The following CALN1 variants were observed in gnomAD, a reference collection of about 807,000 sequenced individuals.
CALN1 encodes calcium-binding protein 8.
Under a neutral mutation model 30.6 loss-of-function variants are expected in CALN1, and 17 were observed. That is an observed-to-expected ratio of 0.56 (90% CI 0.38 to 0.83). The LOEUF (loss-of-function observed/expected upper bound fraction) is 0.83. CALN1 is among the 40% of genes least tolerant of loss of function. The probability of loss-of-function intolerance (pLI) is 0.00; values close to 1 mark genes in which losing one functional copy is unlikely to be tolerated. For missense variants in CALN1, 291 were observed against 354.9 expected, an observed-to-expected ratio of 0.82 and a Z score of 1.45; for synonymous variants, 156 against 131.4, an observed-to-expected ratio of 1.19 and a Z score of -1.28.
At chr7:72,148,761 C>G (rs1786977906) in intron 3 of CALN1, among the ~76,000 whole-genome samples, 1 of 151,900 alleles carries the variant, frequency 6.6e-6, no homozygotes, top group Non-Finnish European at 1.5e-5. Context: ...AAAAATTAGC[C>G]AGCAATGGTG....
At chr7:71,966,870 GT>G (rs1431977894) in intron 5 of CALN1, among the ~76,000 whole-genome samples, 3 of 152,128 alleles carry the variant, frequency 2.0e-5, no homozygotes, top group African/African-American at 7.2e-5. Context: ...AACTTTGTAA[GT>G]TGTAAATCCC....
intron 3 of CALN1, among the ~76,000 whole-genome samples, chr7:72,143,762 C>G (rs1162381533): frequency 6.6e-6 from 1 of 152,210 alleles, no homozygotes; most frequent in Non-Finnish European, 1.5e-5. Flanking sequence ...GCCCATCAGA[C>G]TAACAGCTGA....
chr7:72,232,651 G>A (rs190690525), intron 3 of CALN1, among the ~76,000 whole-genome samples: 177 of 152,232 alleles, frequency 1.2e-3, no homozygotes, highest in African/African-American at 3.9e-3. Flanking sequence ...GTACAGACAG[G>A]GTTTCGCCAT....
At chr7:71,801,545 A>T (rs866360435) in intron 6 of CALN1, among the ~76,000 whole-genome samples, 2 of 152,066 alleles carry the variant, frequency 1.3e-5, no homozygotes, top group Middle Eastern at 3.4e-3. Flanking sequence ...GGGAAAAATG[A>T]CTTCACTTTG....
intron 5 of CALN1, among the ~76,000 whole-genome samples, chr7:71,915,412 C>T (rs1794637427): frequency 6.6e-6 from 1 of 152,172 alleles, no homozygotes; most frequent in Admixed American, 6.5e-5. Flanking sequence ...AAGACATGGC[C>T]TGCTGATGTC....
At chr7:72,283,288 G>A (rs897387599) in intron 2 of CALN1, among the ~76,000 whole-genome samples, 7 of 152,154 alleles carry the variant, frequency 4.6e-5, no homozygotes, top group Non-Finnish European at 7.3e-5. Flanking sequence ...ACTTTGGGAG[G>A]CCAAGGAGGG....
chr7:72,404,368 C>G (rs1386988267), intron 1 of CALN1, among the ~76,000 whole-genome samples: 1 of 152,108 alleles, frequency 6.6e-6, no homozygotes, highest in African/African-American at 2.4e-5. Flanking sequence ...ATTGAACACA[C>G]AGTTAATCAA....
chr7:72,471,777 G>A, the CALN1 span, among the ~76,000 whole-genome samples: 1 of 152,122 alleles, frequency 6.6e-6, no homozygotes, highest in East Asian at 1.9e-4. Flanking sequence ...TGTCCACCAC[G>A]TGGGGCGTCA....
chr7:72,055,571 T>C (rs1319821853), intron 4 of CALN1, among the ~76,000 whole-genome samples: 1 of 152,010 alleles, frequency 6.6e-6, no homozygotes, highest in African/African-American at 2.4e-5. Flanking sequence ...CCCAGAAAGA[T>C]TCAAATAAAA....
chr7:72,065,426 C>T (rs963076924), intron 4 of CALN1, among the ~76,000 whole-genome samples: 1 of 151,978 alleles, frequency 6.6e-6, no homozygotes, highest in African/African-American at 2.4e-5. Context: ...GAGAGCCACC[C>T]CAGAAACAGA....
At chr7:72,289,201 T>G (rs1198625798) in intron 2 of CALN1, among the ~76,000 whole-genome samples, 1 of 152,206 alleles carries the variant, frequency 6.6e-6, no homozygotes, top group African/African-American at 2.4e-5. Context: ...AGTCATTATG[T>G]TTTCAGATAT....
intron 4 of CALN1, among the ~76,000 whole-genome samples, chr7:72,065,547 A>G (rs1390388576): frequency 6.6e-6 from 1 of 152,016 alleles, no homozygotes; most frequent in Non-Finnish European, 1.5e-5. Context: ...AGCATCCCCA[A>G]TCCCATCTCG....
intron 5 of CALN1, among the ~76,000 whole-genome samples, chr7:71,896,684 C>T (rs1793549891): frequency 6.6e-6 from 1 of 152,068 alleles, no homozygotes; most frequent in Admixed American, 6.6e-5. Context: ...AGTGTGTGTC[C>T]ATCTCACATA....
chr7:72,155,262 T>C (rs1163754119), intron 3 of CALN1, among the ~76,000 whole-genome samples: 4 of 151,998 alleles, frequency 2.6e-5, no homozygotes, highest in East Asian at 1.9e-4. Flanking sequence ...TTAGAAAATA[T>C]GTGTTGTTTA....
chr7:72,389,844 G>A lies in CALN1; in HGVS notation c.119+13407C>T, dbSNP rs895677204. On this transcript the variant is annotated intron_variant, in intron 2 of 6. Transcript: ENST00000395275. The stretch of plus-strand genomic sequence containing the variant: ...TGAGGCAGGAGAATCCCTTGAACCC[G>A]GGAGGCGGAGGTTGCAGTGAGCCAA... Among the ~76,000 whole-genome samples, 36 of 151,968 alleles carry A rather than the reference G, an allele frequency of 2.4e-4. 1 individual carries two copies. Among genetic ancestry groups the A allele is most frequent in the African/African-American group, 3.4e-4 (14 of 41,380 alleles).
chr7:72,102,287 A>T (rs1305801121), intron 4 of CALN1, among the ~76,000 whole-genome samples: 1 of 152,074 alleles, frequency 6.6e-6, no homozygotes, highest in Non-Finnish European at 1.5e-5. Context: ...TCTACTAAAA[A>T]TACAAAAATT....
chr7:72,409,644 T>C (rs1339705536), intron 1 of CALN1, among the ~76,000 whole-genome samples: 2 of 151,962 alleles, frequency 1.3e-5, no homozygotes, highest in East Asian at 2.0e-4. Flanking sequence ...GGGAGCAAGA[T>C]TGAGCTGAAA....
chr7:72,309,637 G>C (rs926585987), intron 2 of CALN1, among the ~76,000 whole-genome samples: 77 of 152,064 alleles, frequency 5.1e-4, no homozygotes, highest in African/African-American at 1.8e-3. Context: ...GTGGCAAGCA[G>C]GGAAGGGCAG....
chr7:72,077,865 C>G (rs1390855344), intron 4 of CALN1, among the ~76,000 whole-genome samples: 3 of 152,152 alleles, frequency 2.0e-5, no homozygotes, highest in Non-Finnish European at 4.4e-5. Context: ...CTTTCTATGC[C>G]AGGTACCTGA....
Sources: gnomAD v4.1 joint callset for allele counts (sites outside exome capture counted in the v4.1 genomes callset) on GRCh38, gnomAD v4.1.1 for gene constraint, MANE v1.5 for transcripts, NCBI Gene and HGNC (gene_info 2026-07-23, HGNC 2026-07-21) for gene names.